The following SRGAP1 variants were observed in gnomAD, a reference collection of about 807,000 sequenced individuals.
SRGAP1 encodes SLIT-ROBO Rho GTPase activating protein 1.
SRGAP1 carries 43 observed loss-of-function variants against 121.9 expected under a neutral mutation model. That is an observed-to-expected ratio of 0.35 (90% CI 0.28 to 0.46). SRGAP1 has a LOEUF of 0.46. SRGAP1 is among the 20% of genes least tolerant of loss of function. The probability of loss-of-function intolerance (pLI) is 1.00; values close to 1 mark genes in which losing one functional copy is unlikely to be tolerated. For missense variants in SRGAP1, 1,102 were observed against 1,350.9 expected, an observed-to-expected ratio of 0.82 and a Z score of 2.89; for synonymous variants, 447 against 485.4, an observed-to-expected ratio of 0.92 and a Z score of 1.04.
intron 1 of SRGAP1, among the ~76,000 whole-genome samples, chr12:63,948,165 T>A (rs536771124): frequency 3.3e-5 from 5 of 152,324 alleles, no homozygotes; most frequent in African/African-American, 1.2e-4. Context: ...GTCTTTATAA[T>A]GTTAAAGCAA....
At chr12:63,906,068 C>T (rs2030191293) in intron 1 of SRGAP1, among the ~76,000 whole-genome samples, 1 of 152,184 alleles carries the variant, frequency 6.6e-6, no homozygotes, top group South Asian at 2.1e-4. Flanking sequence ...CAACCCTAGG[C>T]AACCAATGGT....
At chr12:64,132,745 A>G (rs1210793138) in intron 21 of SRGAP1, among the ~76,000 whole-genome samples, 2 of 152,250 alleles carry the variant, frequency 1.3e-5, no homozygotes, top group African/African-American at 2.4e-5. Context: ...AATGTCATCA[A>G]TGTAATGGAC....
chr12:63,872,583 T>G (rs1412780552), intron 1 of SRGAP1, among the ~76,000 whole-genome samples: 1 of 152,230 alleles, frequency 6.6e-6, no homozygotes, highest in African/African-American at 2.4e-5. Flanking sequence ...AGTATTTGAT[T>G]CTGGGTCACT....
Position 64,022,598 on chromosome 12 carries a change from T to C in SRGAP1, c.489+5586T>C, listed in dbSNP as rs146321982. 2.8e-4 allele frequency among the ~76,000 whole-genome samples: 42 copies of C among 152,250 alleles called. No homozygotes were observed. In the East Asian group the frequency reaches 7.9e-3, roughly 29 times the overall value. On this transcript the variant is annotated intron_variant, in intron 4 of 21. Coordinates refer to ENST00000355086, the MANE Select transcript of SRGAP1 (RefSeq NM_020762.4). Reference sequence around the variant, plus strand: ...CCCACGGCCTAGTCAAGTTGACACATAAAATTAATTATTACGGCATCTGAC... The same window carrying C: ...CCCACGGCCTAGTCAAGTTGACACACAAAATTAATTATTACGGCATCTGAC...
At chr12:64,094,870 T>C in intron 12 of SRGAP1, 62 bp from the exon 13 acceptor site, 1 of 1,436,298 alleles carries the variant, frequency 7.0e-7, no homozygotes, top group Non-Finnish European at 9.8e-7. Context: ...CTCTAAGCCT[T>C]ATTATTATGA....
intron 1 of SRGAP1, among the ~76,000 whole-genome samples, chr12:63,937,346 A>G (rs1195188753): frequency 1.3e-5 from 2 of 152,208 alleles, no homozygotes; most frequent in Non-Finnish European, 2.9e-5. Context: ...CTTGGTGACA[A>G]GTTGTATATC....
At chr12:64,086,377 G>A (rs563096819) in intron 10 of SRGAP1, among the ~76,000 whole-genome samples, 1 of 152,270 alleles carries the variant, frequency 6.6e-6, no homozygotes, top group Admixed American at 6.5e-5. Flanking sequence ...AAATGTATAA[G>A]AAGTTGATGT....
At chr12:63,999,363 G>A (rs2033809087) in intron 3 of SRGAP1, among the ~76,000 whole-genome samples, 1 of 152,234 alleles carries the variant, frequency 6.6e-6, no homozygotes, top group African/African-American at 2.4e-5. Flanking sequence ...TCCACTTTCA[G>A]TGTGCCTGGA....
intron 4 of SRGAP1, among the ~76,000 whole-genome samples, chr12:64,018,973 C>T (rs898719623): frequency 6.6e-6 from 1 of 152,176 alleles, no homozygotes; most frequent in Non-Finnish European, 1.5e-5. Context: ...CATTGTGGCA[C>T]TTTCCTTGAG....
rs115578878 is a variant in SRGAP1, at chr12:63,988,896, G to A, written c.264-1014G>A. Among the ~76,000 whole-genome samples the A allele has an allele frequency of 8.4e-3, 1,277 of 152,168 alleles. 19 individuals are homozygous for A. The highest frequency in any genetic ancestry group is 0.029 in the African/African-American group (1,191 of 41,542). On this transcript the variant is annotated intron_variant, in intron 2 of 21. Coordinates refer to ENST00000355086, the MANE Select transcript of SRGAP1 (RefSeq NM_020762.4). ...CACAATCTCGGCTCGCTGCAACCTC[G>A]ACCTCCTAGGTTTGAGCAATTCTTG...
intron 4 of SRGAP1, among the ~76,000 whole-genome samples, chr12:64,023,515 C>T (rs1347502493): frequency 6.6e-6 from 1 of 152,172 alleles, no homozygotes. Context: ...CTAGGCTTTA[C>T]AGCATTACAC....
intron 1 of SRGAP1, among the ~76,000 whole-genome samples, chr12:63,874,438 C>A (rs534897741): frequency 6.6e-6 from 1 of 152,156 alleles, no homozygotes; most frequent in South Asian, 2.1e-4. Flanking sequence ...CTCCTGACCT[C>A]GTGATCCGCC....
chr12:63,989,581 C>T (rs916618706), intron 2 of SRGAP1, among the ~76,000 whole-genome samples: 4 of 152,170 alleles, frequency 2.6e-5, no homozygotes, highest in Non-Finnish European at 5.9e-5. Flanking sequence ...ACATAAATTG[C>T]TTTCTTCAAT....
rs1374886258 is a variant in SRGAP1 at position 64,144,735 on chromosome 12, C to A, written c.*2063C>A. 2.6e-5 allele frequency: 4 copies of A among 152,142 alleles called. No homozygotes were observed. Among genetic ancestry groups the A allele is most frequent in the Non-Finnish European group, 2.9e-5 (2 of 68,080 alleles). 9.4% of individuals were successfully genotyped at this position (152,142 alleles called of 1,614,324 possible). On this transcript the variant is annotated 3_prime_UTR_variant, in exon 22 of 22. Coordinates refer to ENST00000355086, the MANE Select transcript of SRGAP1 (RefSeq NM_020762.4). Reference sequence around the variant, plus strand: ...TGGGGTCCTTCAGCACCCTTGGACACCGTGGAGATCCAGCCAAGACTGAGC... The same window carrying A: ...TGGGGTCCTTCAGCACCCTTGGACAACGTGGAGATCCAGCCAAGACTGAGC...
rs540623523 is a variant in SRGAP1 at position 64,031,667 on chromosome 12, A to G, written c.490-11123A>G. ...CACTATTTCCTCTGAGCTTCATCAGATATTCTCCTTTTAAAGGATATATTA... is the reference window on the plus strand; with the variant it reads ...CACTATTTCCTCTGAGCTTCATCAGGTATTCTCCTTTTAAAGGATATATTA... On this transcript the variant is annotated intron_variant, in intron 4 of 21. Transcript: ENST00000355086. Among the ~76,000 whole-genome samples the G allele has an allele frequency of 8.5e-5, 13 of 152,292 alleles. No homozygotes were observed. In the East Asian group the frequency reaches 1.5e-3, roughly 18 times the overall value.
At chr12:63,992,660 TACACACAC>T (rs59798383) in intron 3 of SRGAP1, among the ~76,000 whole-genome samples, 13,203 of 138,170 alleles carry the variant, frequency 0.096, 790 homozygotes, top group Middle Eastern at 0.13. Context: ...GCACAGTAAA[TACACACAC>T]ACACACACAC....
At chr12:64,124,864 TC>T (rs1196583176) in intron 18 of SRGAP1, among the ~76,000 whole-genome samples, 1 of 152,172 alleles carries the variant, frequency 6.6e-6, no homozygotes, top group East Asian at 1.9e-4. Flanking sequence ...TCTGCCAGTT[TC>T]TGTCAATGGT....
intron 1 of SRGAP1, among the ~76,000 whole-genome samples, chr12:63,965,670 A>G (rs1023082316): frequency 6.6e-6 from 1 of 152,192 alleles, no homozygotes; most frequent in Non-Finnish European, 1.5e-5. Flanking sequence ...TCTGCAAAAA[A>G]TAAATAAATT....
chr12:64,138,478 AGTCTCACT>A (rs1565697799), intron 21 of SRGAP1, among the ~76,000 whole-genome samples: 8 of 103,998 alleles, frequency 7.7e-5, no homozygotes, highest in African/African-American at 3.1e-4. Flanking sequence ...TTGGAGATGG[AGTCTCACT>A]CTGTCACCCA....
Sources: gnomAD v4.1 joint callset for allele counts (sites outside exome capture counted in the v4.1 genomes callset) on GRCh38, gnomAD v4.1.1 for gene constraint, MANE v1.5 for transcripts, NCBI Gene and HGNC (gene_info 2026-07-23, HGNC 2026-07-21) for gene names.